RANBP2: variants seen among roughly 807,000 people sequenced by gnomAD.
The protein encoded by RANBP2 is E3 SUMO-protein ligase RanBP2.
Under a neutral mutation model 303.6 loss-of-function variants are expected in RANBP2, and 57 were observed. The observed-to-expected ratio is 0.19, with a 90% CI of 0.15 to 0.23. RANBP2 has a LOEUF of 0.23. Among genes scored for constraint, RANBP2 ranks in the 10% least tolerant of loss-of-function variants. The pLI is 1.00. For missense variants in RANBP2, 3,138 were observed against 3,780.8 expected (o/e 0.83, Z 4.46); for synonymous variants, 1,167 against 1,301.5 (o/e 0.90, Z 2.23).
intron 28 of RANBP2, 71 bp downstream of exon 28, chr2:108,782,933 G>GT (rs1012374760): frequency 9.5e-6 from 13 of 1,366,550 alleles, no homozygotes; most frequent in African/African-American, 1.4e-5. Flanking sequence ...AAATTTGAGT[G>GT]TTTTTCCTTG....
the RANBP2 span, chr2:109,552,447 T>A: frequency 6.6e-6 from 1 of 152,268 alleles, no homozygotes; most frequent in Non-Finnish European, 1.5e-5. Flanking sequence ...AGTAACCTAG[T>A]CCATTACAAG....
chr2:109,755,262 G>C, the RANBP2 span, among the ~76,000 whole-genome samples: 105 of 139,682 alleles, frequency 7.5e-4, no homozygotes, highest in Admixed American at 6.5e-3. Flanking sequence ...GTTTTCATTT[G>C]ATTTCCCCTC....
the RANBP2 span, among the ~76,000 whole-genome samples, chr2:109,318,514 C>T: frequency 1.3e-5 from 2 of 152,310 alleles, no homozygotes; most frequent in South Asian, 2.1e-4. Flanking sequence ...TTTTGGCGAC[C>T]GTGGGATAAA....
the RANBP2 span, among the ~76,000 whole-genome samples, chr2:109,650,134 G>A: frequency 1.3e-5 from 2 of 152,288 alleles, no homozygotes; most frequent in African/African-American, 4.8e-5. Flanking sequence ...AACAAAAGTC[G>A]CTGAGATGAT....
rs750289760 is a variant in RANBP2, at chr2:108,772,590, A to C, written c.8113+9A>C. 2 of 1,604,526 alleles carry C rather than the reference A, an allele frequency of 1.2e-6. No individual in the cohort carries two copies. The highest frequency in any genetic ancestry group is 1.7e-6 in the Non-Finnish European group (2 of 1,171,368). ...GGAAGAAAATACAGCAGGTATGTTA[A>C]GTGTAAAGGACATTTATAATGCTTT... is the stretch of plus-strand genomic sequence containing the variant. On this transcript the variant is annotated intron_variant, in intron 22 of 28. Coordinates refer to ENST00000283195, the MANE Select transcript of RANBP2 (RefSeq NM_006267.5).
the RANBP2 span, among the ~76,000 whole-genome samples, chr2:109,525,741 C>T: frequency 6.6e-6 from 1 of 152,282 alleles, no homozygotes; most frequent in African/African-American, 2.4e-5. Flanking sequence ...ACTGTCCTTA[C>T]TAGCAAAAGC....
At chr2:109,670,314 G>A in the RANBP2 span, among the ~76,000 whole-genome samples, 1,492 of 150,814 alleles carry the variant, frequency 9.9e-3, 40 homozygotes, top group African/African-American at 0.034. Flanking sequence ...GTGGCAGAGT[G>A]GGGGTGGGGG....
the RANBP2 span, among the ~76,000 whole-genome samples, chr2:108,921,704 G>A: frequency 6.6e-6 from 1 of 152,196 alleles, no homozygotes. Context: ...ACCAGGGCAG[G>A]CCCAGGGGTG....
the RANBP2 span, among the ~76,000 whole-genome samples, chr2:109,446,588 C>T: frequency 6.6e-6 from 1 of 152,272 alleles, no homozygotes; most frequent in African/African-American, 2.4e-5. Context: ...CTGAGCCTTC[C>T]AGGCACCCGA....
At chr2:108,757,161 A>G (rs1313621391) in intron 17 of RANBP2, among the ~76,000 whole-genome samples, 1 of 152,168 alleles carries the variant, frequency 6.6e-6, no homozygotes, top group African/African-American at 2.4e-5. Context: ...TTCAAAATTT[A>G]CCTGTTTTCT....
chr2:109,686,851 G>T, the RANBP2 span, among the ~76,000 whole-genome samples: 3 of 152,068 alleles, frequency 2.0e-5, no homozygotes, highest in Non-Finnish European at 4.4e-5. Context: ...GAGCACAAGC[G>T]ATCTGCCTCC....
the RANBP2 span, among the ~76,000 whole-genome samples, chr2:109,512,921 C>T: frequency 6.6e-6 from 1 of 152,214 alleles, no homozygotes; most frequent in Admixed American, 6.5e-5. Flanking sequence ...CCATGGCAAC[C>T]ATCTTGCACG....
the RANBP2 span, among the ~76,000 whole-genome samples, chr2:109,496,905 G>C: frequency 6.6e-6 from 1 of 152,192 alleles, no homozygotes; most frequent in Non-Finnish European, 1.5e-5. Flanking sequence ...AGAAGAGAGA[G>C]GCAGAGGAGA....
the RANBP2 span, among the ~76,000 whole-genome samples, chr2:109,695,728 A>G: frequency 6.6e-6 from 1 of 152,098 alleles, no homozygotes; most frequent in East Asian, 1.9e-4. Flanking sequence ...TCCATGGGAC[A>G]GAGGTATAGG....
the RANBP2 span, among the ~76,000 whole-genome samples, chr2:109,496,048 C>CCA: frequency 6.6e-6 from 1 of 152,162 alleles, no homozygotes; most frequent in African/African-American, 2.4e-5. Flanking sequence ...TGGAAGGGGA[C>CCA]CCACCGGGTT....
At chr2:109,018,638 C>A in the RANBP2 span, among the ~76,000 whole-genome samples, 18 of 152,328 alleles carry the variant, frequency 1.2e-4, no homozygotes, top group Non-Finnish European at 2.5e-4. Flanking sequence ...TAGCTATGCT[C>A]CCACGGCCAC....
intron 17 of RANBP2, among the ~76,000 whole-genome samples, chr2:108,755,630 G>C (rs961097240): frequency 6.6e-6 from 1 of 151,872 alleles, no homozygotes. Context: ...CTGGCTCAAA[G>C]AATCCTCCTG....
the RANBP2 span, among the ~76,000 whole-genome samples, chr2:109,641,125 T>TTTTA: frequency 5.2e-5 from 7 of 133,900 alleles, no homozygotes; most frequent in African/African-American, 1.8e-4. Context: ...AAAGGAATGG[T>TTTTA]TTTATTTATT....
At chr2:108,744,361 G>A (rs185483124) in intron 7 of RANBP2, among the ~76,000 whole-genome samples, 150 of 151,928 alleles carry the variant, frequency 9.9e-4, no homozygotes, top group African/African-American at 3.4e-3. Flanking sequence ...CTGAAATCGT[G>A]CCACTGCAGC....
Sources: allele counts gnomAD v4.1 joint callset (sites outside exome capture counted in the v4.1 genomes callset), GRCh38; gene constraint gnomAD v4.1.1; transcripts MANE v1.5; gene names NCBI Gene and HGNC (gene_info 2026-07-23, HGNC 2026-07-21).